The following ATP9B variants were observed in gnomAD, a reference collection of about 807,000 sequenced individuals.
The protein encoded by ATP9B is ATPase phospholipid transporting 9B.
Under a neutral mutation model 146.1 loss-of-function variants are expected in ATP9B, and 110 were observed. The observed-to-expected ratio is 0.75, with a 90% CI of 0.65 to 0.88. ATP9B has a LOEUF of 0.88. Ranked by LOEUF, ATP9B falls within the 40% of genes least tolerant of loss-of-function variation. The probability of loss-of-function intolerance (pLI) is 0.00; values close to 1 mark genes in which losing one functional copy is unlikely to be tolerated. For synonymous variants in ATP9B, 604 were observed against 569.7 expected, an observed-to-expected ratio of 1.06 and a Z score of -0.86; for missense variants, 1,499 against 1,496.4, an observed-to-expected ratio of 1.00 and a Z score of -0.03.
chr18:79,236,189 G>T lies in ATP9B; in HGVS notation c.1108-17192G>T, dbSNP rs191446962. ...ACGTTATTTTAATTTTAGCATTCTAGTGAGTATGTGGTGATATCTCATTGG... is the reference window on the plus strand; with the variant it reads ...ACGTTATTTTAATTTTAGCATTCTATTGAGTATGTGGTGATATCTCATTGG... On this transcript the variant is annotated intron_variant, in intron 11 of 29. Coordinates refer to ENST00000426216, the MANE Select transcript of ATP9B (RefSeq NM_198531.5). Among the ~76,000 whole-genome samples the T allele has an allele frequency of 1.1e-4, 17 of 152,286 alleles. No homozygotes were observed. The East Asian group carries it at 1.3e-3, about 12-fold the overall frequency.
At chr18:79,284,969 C>T (rs1361000981) in intron 13 of ATP9B, among the ~76,000 whole-genome samples, 4 of 152,162 alleles carry the variant, frequency 2.6e-5, no homozygotes, top group African/African-American at 7.2e-5. Context: ...TTTCTGGCTG[C>T]ATAGTATTCC....
rs142711511 is a variant in ATP9B, at chr18:79,274,992, G to A, written c.1269-2062G>A. On this transcript the variant is annotated intron_variant, in intron 12 of 29. Transcript: ENST00000426216. ...CTGGTCCTTTGGCTTCCACCACCCT[G>A]AGCCCAGTGGCCAACTGCAAGCTCT... Among the ~76,000 whole-genome samples, 222 of 152,330 alleles carry A rather than the reference G, an allele frequency of 1.5e-3. 5 individuals carry two copies. Among genetic ancestry groups the A allele is most frequent in the Middle Eastern group, 0.014 (4 of 294 alleles).
intron 6 of ATP9B, among the ~76,000 whole-genome samples, chr18:79,151,270 A>G (rs1451268840): frequency 6.6e-6 from 1 of 152,230 alleles, no homozygotes; most frequent in East Asian, 1.9e-4. Context: ...TCAGAAATTT[A>G]TGGTTAATTG....
At chr18:79,215,007 G>A (rs1260036385) in intron 11 of ATP9B, among the ~76,000 whole-genome samples, 1 of 152,042 alleles carries the variant, frequency 6.6e-6, no homozygotes, top group East Asian at 1.9e-4. Context: ...AATTAGCTGG[G>A]CATGATGACG....
chr18:79,178,307 C>A (rs1298224652), intron 8 of ATP9B, among the ~76,000 whole-genome samples: 1 of 152,098 alleles, frequency 6.6e-6, no homozygotes, highest in Non-Finnish European at 1.5e-5. Context: ...AATGTTGTCA[C>A]CAGTTTTTAT....
intron 11 of ATP9B, among the ~76,000 whole-genome samples, chr18:79,230,301 G>A (rs115371622): frequency 1.3e-5 from 2 of 152,220 alleles, no homozygotes; most frequent in South Asian, 2.1e-4. Context: ...TGACATGATC[G>A]TATGCCTAGA....
chr18:79,164,994 A>G (rs933711325), intron 7 of ATP9B, among the ~76,000 whole-genome samples: 25 of 152,212 alleles, frequency 1.6e-4, no homozygotes, highest in Admixed American at 2.6e-4. Context: ...GGACTAAGCC[A>G]TGTGAAGATC....
chr18:79,336,925 G>A (rs1480629313), intron 18 of ATP9B, among the ~76,000 whole-genome samples: 2 of 152,226 alleles, frequency 1.3e-5, no homozygotes, highest in Non-Finnish European at 2.9e-5. Context: ...CAGAAGCAAA[G>A]AAGTGCCAGT....
chr18:79,291,793 T>C (rs1599681392), intron 13 of ATP9B, among the ~76,000 whole-genome samples: 1 of 152,368 alleles, frequency 6.6e-6, no homozygotes, highest in East Asian at 1.9e-4. Context: ...TTAATTCAAA[T>C]GGTCAACTGT....
intron 8 of ATP9B, among the ~76,000 whole-genome samples, chr18:79,185,208 T>C (rs566416331): frequency 6.6e-6 from 1 of 152,306 alleles, no homozygotes; most frequent in African/African-American, 2.4e-5. Flanking sequence ...TGGTACACTT[T>C]AAACGTGCAG....
intron 15 of ATP9B, among the ~76,000 whole-genome samples, chr18:79,315,043 T>C (rs977922007): frequency 9.2e-5 from 14 of 152,240 alleles, no homozygotes; most frequent in African/African-American, 1.9e-4. Context: ...AGTCTCATTC[T>C]TTTCCCTCTG....
intron 8 of ATP9B, among the ~76,000 whole-genome samples, chr18:79,190,469 A>G (rs1448007508): frequency 6.6e-6 from 1 of 151,894 alleles, no homozygotes; most frequent in Non-Finnish European, 1.5e-5. Flanking sequence ...AATATGTAGT[A>G]TATCTACACA....
At chr18:79,144,285 A>G (rs1448770334) in intron 6 of ATP9B, 2 of 153,042 alleles carry the variant, frequency 1.3e-5, no homozygotes, top group African/African-American at 4.8e-5. Flanking sequence ...TTTCTTATAT[A>G]AAATTGAATA....
intron 11 of ATP9B, among the ~76,000 whole-genome samples, chr18:79,231,856 G>A (rs1201918285): frequency 6.7e-6 from 1 of 148,784 alleles, no homozygotes; most frequent in Non-Finnish European, 1.5e-5. Flanking sequence ...CAAAATAATG[G>A]CATTTAAAAC....
Position 79,245,898 on chromosome 18 carries a change from AGGAGGGCACCGCCCTACTGACTGTGC to A in ATP9B, c.1108-7472_1108-7447del, listed in dbSNP as rs1568484299. On this transcript the variant is annotated intron_variant, in intron 11 of 29. Transcript: ENST00000426216. ...GCGGAGGGCACCGCTCTACTGACTGAGGAGGGCACCGCCCTACTGACTGTGCGGAGGGCACCACCCTACTGACTGCG... is the reference window on the plus strand; with the variant it reads ...GCGGAGGGCACCGCTCTACTGACTGAGGAGGGCACCACCCTACTGACTGCG... Among the ~76,000 whole-genome samples the A allele has an allele frequency of 1.6e-4, 20 of 121,304 alleles. 2 individuals are homozygous for A. Among genetic ancestry groups the A allele is most frequent in the African/African-American group, 4.0e-4 (12 of 30,352 alleles). 79.6% of individuals were successfully genotyped at this position (121,304 alleles called of 152,430 possible).
intron 8 of ATP9B, among the ~76,000 whole-genome samples, chr18:79,190,727 G>A (rs2095357973): frequency 6.6e-6 from 1 of 151,994 alleles, no homozygotes; most frequent in South Asian, 2.1e-4. Flanking sequence ...TGTATTTTTA[G>A]TAGAGACGGA....
intron 4 of ATP9B, among the ~76,000 whole-genome samples, chr18:79,114,305 G>A (rs1395364918): frequency 2.6e-5 from 4 of 152,118 alleles, no homozygotes; most frequent in Admixed American, 6.5e-5. Flanking sequence ...CAGATGACCC[G>A]AGGAATCTAG....
chr18:79,319,237 A>G (rs2096700794), intron 15 of ATP9B, among the ~76,000 whole-genome samples: 1 of 152,254 alleles, frequency 6.6e-6, no homozygotes, highest in Non-Finnish European at 1.5e-5. Context: ...TAGCACTGTT[A>G]AATATTGTCT....
chr18:79,231,995 C>G (rs2095797716), intron 11 of ATP9B, among the ~76,000 whole-genome samples: 1 of 151,996 alleles, frequency 6.6e-6, no homozygotes, highest in Non-Finnish European at 1.5e-5. Flanking sequence ...ACACAATGGA[C>G]TTTGGGGACT....
Sources: gnomAD v4.1 joint callset for allele counts (sites outside exome capture counted in the v4.1 genomes callset) on GRCh38, gnomAD v4.1.1 for gene constraint, MANE v1.5 for transcripts, NCBI Gene and HGNC (gene_info 2026-07-23, HGNC 2026-07-21) for gene names.